CRACR2A: variants seen among roughly 807,000 people sequenced by gnomAD.
CRACR2A encodes the protein EF-hand calcium-binding domain-containing protein 4B.
In CRACR2A, 79 loss-of-function variants were observed where a neutral mutation model predicts 90.5. That is an observed-to-expected ratio of 0.87 (90% CI 0.73 to 1.05). The LOEUF (loss-of-function observed/expected upper bound fraction) is 1.05. Among genes scored for constraint, CRACR2A ranks in the 50% least tolerant of loss-of-function variants. The probability of loss-of-function intolerance (pLI) is 0.00; values close to 1 mark genes in which losing one functional copy is unlikely to be tolerated. For missense variants in CRACR2A, 823 were observed against 897.2 expected, an observed-to-expected ratio of 0.92 and a Z score of 1.06; for synonymous variants, 338 against 356.7, an observed-to-expected ratio of 0.95 and a Z score of 0.59.
intron 2 of CRACR2A, chr12:3,731,095 G>C (rs949338173): frequency 6.6e-6 from 1 of 152,210 alleles, no homozygotes; most frequent in African/African-American, 2.4e-5. Context: ...AGCTTTACTA[G>C]GTGTGGAGAC....
At chr12:3,726,270 C>A (rs1463840124) in intron 2 of CRACR2A, 1 of 151,968 alleles carries the variant, frequency 6.6e-6, no homozygotes, top group Non-Finnish European at 1.5e-5. Context: ...GTGCAGGAGC[C>A]ATGCTAATCT....
intron 4 of CRACR2A, among the ~76,000 whole-genome samples, chr12:3,685,673 G>T (rs1258065831): frequency 1.3e-5 from 2 of 152,208 alleles, no homozygotes; most frequent in Non-Finnish European, 2.9e-5. Flanking sequence ...ACGATACCTT[G>T]AGTAGTCCAA....
chr12:3,734,047 T>C (rs776127793), intron 1 of CRACR2A, among the ~76,000 whole-genome samples: 1 of 149,904 alleles, frequency 6.7e-6, no homozygotes, highest in Non-Finnish European at 1.5e-5. Context: ...CTTGGCTCAC[T>C]GCAAGCTCTG....
At chr12:3,661,818 G>A (rs1280742505) in intron 7 of CRACR2A, among the ~76,000 whole-genome samples, 1 of 152,194 alleles carries the variant, frequency 6.6e-6, no homozygotes, top group Non-Finnish European at 1.5e-5. Flanking sequence ...AAAGTAAGAT[G>A]AGAGAAACTT....
chr12:3,627,820 C>T, intron 15 of CRACR2A, 114 bp from the exon 16 acceptor site: 1 of 1,114,148 alleles, frequency 9.0e-7, no homozygotes, highest in Non-Finnish European at 1.3e-6. Context: ...GGTGACAACC[C>T]TCCATGTGCA....
At chr12:3,658,076 T>C (rs1238422485) in intron 8 of CRACR2A, among the ~76,000 whole-genome samples, 1 of 152,186 alleles carries the variant, frequency 6.6e-6, no homozygotes, top group Non-Finnish European at 1.5e-5. Flanking sequence ...CCAGAAGGCA[T>C]AAATCTAAGC....
Position 3,686,335 on chromosome 12 carries a change from A to G in CRACR2A, c.229-5986T>C, listed in dbSNP as rs543878857. On this transcript the variant is annotated intron_variant, in intron 4 of 19. Transcript: ENST00000440314. ...TGAAAGTAGCCACGGAAAACACATA[A>G]AAGAATGAGCACATCTGTGTTCCAA... 6.6e-5 allele frequency among the ~76,000 whole-genome samples: 10 copies of G among 152,330 alleles called. No homozygotes were observed. The East Asian group carries it at 1.9e-3, about 29-fold the overall frequency.
intron 3 of CRACR2A, among the ~76,000 whole-genome samples, chr12:3,699,798 T>C (rs767856622): frequency 6.6e-6 from 1 of 152,224 alleles, no homozygotes; most frequent in Non-Finnish European, 1.5e-5. Context: ...TGGTACATAG[T>C]AGTACTCACT....
chr12:3,733,970 C>CTTTTTTTT (rs1555121368), intron 1 of CRACR2A, among the ~76,000 whole-genome samples: 22 of 55,602 alleles, frequency 4.0e-4, no homozygotes, highest in Admixed American at 6.8e-4. Context: ...CACATTTTGC[C>CTTTTTTTT]TTATTTTTTT....
chr12:3,697,419 AT>A (rs1479418703), intron 3 of CRACR2A, among the ~76,000 whole-genome samples: 1 of 152,130 alleles, frequency 6.6e-6, no homozygotes, highest in African/African-American at 2.4e-5. Flanking sequence ...CTCTATATAC[AT>A]TTTTTTCATG....
intron 15 of CRACR2A, among the ~76,000 whole-genome samples, chr12:3,632,118 C>T (rs910667718): frequency 1.3e-5 from 2 of 152,120 alleles, no homozygotes; most frequent in African/African-American, 2.4e-5. Flanking sequence ...GGAGTTCTCA[C>T]GAGATCTGGT....
intron 10 of CRACR2A, among the ~76,000 whole-genome samples, chr12:3,649,587 C>T (rs557746604): frequency 7.0e-4 from 107 of 152,228 alleles, no homozygotes; most frequent in South Asian, 6.2e-3. Flanking sequence ...ACTGTGCAAA[C>T]GTGTTAATTA....
At chr12:3,745,826 A>AAAATAAAATAAAATAAAAT (rs1946615314) in intron 1 of CRACR2A, among the ~76,000 whole-genome samples, 1 of 2,412 alleles carries the variant, frequency 4.1e-4, no homozygotes, top group Non-Finnish European at 1.1e-3. Flanking sequence ...AAAATAAAAT[A>AAAATAAAATAAAATAAAAT]AAGAAAGAAA....
chr12:3,664,861 G>T (rs927839016), intron 7 of CRACR2A, among the ~76,000 whole-genome samples: 1 of 152,264 alleles, frequency 6.6e-6, no homozygotes, highest in East Asian at 1.9e-4. Context: ...ACAAAAAGTA[G>T]CCAGGTGTGG....
chr12:3,649,500 A>AT (rs1944757244), intron 10 of CRACR2A, among the ~76,000 whole-genome samples: 1 of 152,048 alleles, frequency 6.6e-6, no homozygotes, highest in Admixed American at 6.5e-5. Context: ...GCTTTTCACT[A>AT]TTGGGCACTC....
At chr12:3,687,527 C>T (rs567986575) in intron 4 of CRACR2A, among the ~76,000 whole-genome samples, 39 of 152,172 alleles carry the variant, frequency 2.6e-4, no homozygotes, top group Non-Finnish European at 5.0e-4. Flanking sequence ...AAGATATGAT[C>T]TTGTTCTTTT....
In CRACR2A at chr12:3,680,237, C is replaced by T; in HGVS notation, c.340+1G>A. 6.2e-7 allele frequency: 1 copy of T among 1,613,396 alleles called. No homozygotes were observed. The highest frequency in any genetic ancestry group is 8.5e-7 in the Non-Finnish European group (1 of 1,179,332). ...GGTCCCCAGCACCCATCAGAACTTACTAAATCCAGTAGTGAACTCCTGTGG... is the reference window on the plus strand; with the variant it reads ...GGTCCCCAGCACCCATCAGAACTTATTAAATCCAGTAGTGAACTCCTGTGG... On this transcript the variant is annotated splice_donor_variant, in intron 5 of 19. Transcript: ENST00000440314. LOFTEE classifies it high-confidence loss of function.
chr12:3,673,317 T>A (rs1327828754), intron 7 of CRACR2A, 129 bp downstream of exon 7: 40 of 1,133,856 alleles, frequency 3.5e-5, no homozygotes, highest in Admixed American at 9.3e-5. Flanking sequence ...CAGGGCCTGG[T>A]CCCCACTTTG....
At position 3,638,235 on chromosome 12, in the gene CRACR2A, C is replaced by T. The variant is rs1439985873; in HGVS notation, c.1491G>A (p.Glu497=). The change falls in exon 14 of 20, where the codon GAG becomes GAA. Residue 497 remains glutamate, a synonymous_variant. Coordinates refer to ENST00000440314, the MANE Select transcript of CRACR2A (RefSeq NM_001144958.2). ...GTACCCCCTGGTCAGAGACCTCTTC[C>T]TCTTCTGAGCATTTGCTCAGGGGTT... The part of the protein sequence containing the change: ...FEQPLSKCSE[E]EEVSDQGVQG... 1.3e-6 allele frequency: 2 copies of T among 1,551,568 alleles called. No individual in the cohort carries two copies. The highest frequency in any genetic ancestry group is 1.2e-5 in the South Asian group (1 of 84,068).
Sources: gnomAD v4.1 joint callset for allele counts (sites outside exome capture counted in the v4.1 genomes callset) on GRCh38, gnomAD v4.1.1 for gene constraint, MANE v1.5 for transcripts, NCBI Gene and HGNC (gene_info 2026-07-23, HGNC 2026-07-21) for gene names.